Variants in KDM5B observed in about 807,000 individuals in gnomAD.
KDM5B encodes lysine-specific demethylase 5B.
A neutral mutation model predicts 193.4 loss-of-function variants in KDM5B; 144 were observed. That is an observed-to-expected ratio of 0.74 (90% CI 0.65 to 0.86). The LOEUF (loss-of-function observed/expected upper bound fraction) is 0.86. KDM5B is among the 40% of genes least tolerant of loss of function. The pLI is 0.00. For missense variants in KDM5B, 1,833 were observed against 1,886.9 expected (o/e 0.97, Z 0.53); for synonymous variants, 668 against 682.6 (o/e 0.98, Z 0.33).
intron 3 of KDM5B, among the ~76,000 whole-genome samples, chr1:202,774,075 C>T (rs971395455): frequency 2.0e-5 from 3 of 152,030 alleles, no homozygotes; most frequent in African/African-American, 7.2e-5. Context: ...CACCCTGAGC[C>T]TCAGTTTCCT....
At position 202,728,587 on chromosome 1, in the gene KDM5B, G is replaced by A. The variant is rs1572700328; in HGVS notation, c.*449C>T. On this transcript the variant is annotated 3_prime_UTR_variant, in exon 27 of 27. Coordinates refer to ENST00000367265, the MANE Select transcript of KDM5B (RefSeq NM_006618.5). Reference sequence around the variant, plus strand: ...TGAAAAACTTAAAAATTTCCCCAATGTGGTAACAGAGTAAACAAGGGAGAG... The same window carrying A: ...TGAAAAACTTAAAAATTTCCCCAATATGGTAACAGAGTAAACAAGGGAGAG... 1 of 153,680 alleles carries A rather than the reference G, an allele frequency of 6.5e-6. No individual in the cohort carries two copies. Among genetic ancestry groups the A allele is most frequent in the African/African-American group, 2.4e-5 (1 of 41,484 alleles). 9.5% of individuals were successfully genotyped at this position (153,680 alleles called of 1,614,324 possible).
At chr1:202,755,766 T>C (rs1272268463) in intron 10 of KDM5B, among the ~76,000 whole-genome samples, 1 of 152,066 alleles carries the variant, frequency 6.6e-6, no homozygotes, top group Non-Finnish European at 1.5e-5. Context: ...AGGATAGTGA[T>C]TATCCTGAGG....
Position 202,742,667 on chromosome 1 carries a change from T to C in KDM5B, c.2462A>G (p.Lys821Arg). The C allele has an allele frequency of 1.2e-6, 2 of 1,614,054 alleles. No individual in the cohort carries two copies. The highest frequency in any genetic ancestry group is 1.7e-6 in the Non-Finnish European group (2 of 1,179,974). Residue 821 changes from lysine (K) to arginine (R), a missense_variant, in exon 17 of 27, where the codon AAA (lysine) becomes AGA (arginine). By Grantham distance (26) the Lys-to-Arg change is conservative. Coordinates refer to ENST00000367265, the MANE Select transcript of KDM5B (RefSeq NM_006618.5). ...CAGAAGCGCATACCTAGTTTGCCTTTTGCCATTAAGCAACTGCTGCGCAAC... is the reference window on the plus strand; with the variant it reads ...CAGAAGCGCATACCTAGTTTGCCTTCTGCCATTAAGCAACTGCTGCGCAAC... ...ASVAQQLLNG[K>R]RQTRYRSGGG...
chr1:202,751,195 T>TCATTC (rs1655775507), intron 12 of KDM5B, among the ~76,000 whole-genome samples: 1 of 152,086 alleles, frequency 6.6e-6, no homozygotes, highest in Admixed American at 6.6e-5. Flanking sequence ...TTACCTCCCA[T>TCATTC]CATTCCCTTC....
Position 202,741,524 on chromosome 1 carries a change from G to T in KDM5B, c.2788C>A (p.Pro930Thr). The T allele has an allele frequency of 6.2e-7, 1 of 1,614,200 alleles. No individual in the cohort carries two copies. The highest frequency in any genetic ancestry group is 8.5e-7 in the Non-Finnish European group (1 of 1,180,036). The change falls in exon 19 of 27, where the codon CCC becomes ACC. Residue 930 changes from proline to threonine, a missense_variant. Pro to Thr is a conservative substitution (Grantham distance 38). Transcript: ENST00000367265. ...LEEVQQACLD[P>T]SSLTLDDMRR... ...ATATCATCTAAAGTAAGGGAGCTGG[G>T]GTCTAGGCAAGCTTGCTGCACCTCT...
chr1:202,753,815 G>A (rs748910302), intron 11 of KDM5B, among the ~76,000 whole-genome samples: 1 of 151,800 alleles, frequency 6.6e-6, no homozygotes, highest in African/African-American at 2.4e-5. Context: ...TATTACAGGC[G>A]TGCACCACCA....
Position 202,755,405 on chromosome 1 carries a change from C to T in KDM5B, c.1404G>A (p.Glu468=), listed in dbSNP as rs185527629. The part of the protein sequence containing the change: ...GWNLNNMPVM[E]QSVLAHITAD... ...CAGTAATATGTGCAAGGACAGACTGCTCCATCACTGGCATGTTGTTCAAAT... is the reference window on the plus strand; with the variant it reads ...CAGTAATATGTGCAAGGACAGACTGTTCCATCACTGGCATGTTGTTCAAAT... The change falls in exon 11 of 27, where the codon GAG becomes GAA. Residue 468 remains glutamate (E), a synonymous_variant. Transcript: ENST00000367265. The T allele has an allele frequency of 4.2e-5, 67 of 1,613,872 alleles. No individual in the cohort carries two copies. In the African/African-American group the frequency reaches 8.1e-4, roughly 20 times the overall value.
In KDM5B at chr1:202,731,899, T is replaced by C. The variant is rs1222729513; in HGVS notation, c.3950A>G (p.Asp1317Gly). 1 of 1,613,424 alleles carries C rather than the reference T, an allele frequency of 6.2e-7. No individual in the cohort carries two copies. The highest frequency in any genetic ancestry group is 8.5e-7 in the Non-Finnish European group (1 of 1,179,760). Reference sequence around the variant, plus strand: ...ATATGAGGTTCTGTTGTCCCAGTCATCAGGCAAAGAAAATGATGTTGTGCC... The same window carrying C: ...ATATGAGGTTCTGTTGTCCCAGTCACCAGGCAAAGAAAATGATGTTGTGCC... ...PPGTTSFSLPDDWDNRTSYLH... is the reference protein window; with the variant it reads ...PPGTTSFSLPGDWDNRTSYLH... Residue 1317 changes from aspartate (D) to glycine (G), a missense_variant, in exon 24 of 27, where the codon GAT becomes GGT. This residue lies in a region of KDM5B where 1,379 missense variants were observed against 1,349.6 expected (regional missense o/e 1.02). Coordinates refer to ENST00000367265, the MANE Select transcript of KDM5B (RefSeq NM_006618.5).
At chr1:202,780,807 T>A (rs914548550) in intron 1 of KDM5B, among the ~76,000 whole-genome samples, 59 of 129,496 alleles carry the variant, frequency 4.6e-4, no homozygotes, top group African/African-American at 1.2e-3. Flanking sequence ...AAAAAAAAAA[T>A]ACATATATAT....
At position 202,808,240 on chromosome 1, in the gene KDM5B, C is replaced by T; in HGVS notation, c.66G>A (p.Pro22=). ...CGGGTGGAGGCAGGAACTCGCCCAG[C>T]GGGCCCGGGCCCCCGAGGGGCAGCG... is the stretch of plus-strand genomic sequence containing the variant. ...RPALPLGGPG[P]LGEFLPPPEC... Residue 22 remains proline (P), a synonymous_variant, in exon 1 of 27, where the codon CCG becomes CCA. Transcript: ENST00000367265. 1 of 1,611,580 alleles carries T rather than the reference C, an allele frequency of 6.2e-7. No homozygotes were observed. Among genetic ancestry groups the T allele is most frequent in the Non-Finnish European group, 8.5e-7 (1 of 1,179,318 alleles).
chr1:202,770,812 T>C (rs1656681921), intron 4 of KDM5B, among the ~76,000 whole-genome samples: 2 of 152,212 alleles, frequency 1.3e-5, no homozygotes, highest in Admixed American at 1.3e-4. Context: ...TGCCATACTT[T>C]CCTATGTTTT....
At position 202,808,417 on chromosome 1, in the gene KDM5B, T is replaced by A; in HGVS notation, c.-112A>T. ...GGCTCGAGCAACAGCAAGTCCGAGT[T>A]GTACGGGCAACGGCAGCACCTTGGG... On this transcript the variant is annotated 5_prime_UTR_variant, in exon 1 of 27. Transcript: ENST00000367265. 1 of 977,710 alleles carries A rather than the reference T, an allele frequency of 1.0e-6. No individual in the cohort carries two copies. The highest frequency in any genetic ancestry group is 1.5e-6 in the Non-Finnish European group (1 of 679,670). The allele number at this position is 977,710 out of a possible 1,614,324, so 60.6% of individuals were successfully genotyped here.
chr1:202,730,479 T>C (rs1263248153), intron 25 of KDM5B, among the ~76,000 whole-genome samples: 3 of 152,190 alleles, frequency 2.0e-5, no homozygotes, highest in Non-Finnish European at 4.4e-5. Flanking sequence ...ACCTTATAGG[T>C]GTAAGGCGCA....
intron 8 of KDM5B, among the ~76,000 whole-genome samples, chr1:202,759,636 T>A (rs779995246): frequency 1.3e-5 from 2 of 151,656 alleles, no homozygotes; most frequent in Admixed American, 6.6e-5. Context: ...ATTAAAAACA[T>A]CAGTAATCAC....
Position 202,750,877 on chromosome 1 carries a change from G to C in KDM5B, c.1702-99C>G, listed in dbSNP as rs1572724747. On this transcript the variant is annotated intron_variant, in intron 12 of 26. Transcript: ENST00000367265. Reference sequence around the variant, plus strand: ...GTCTATTAGATAATTTTCAAAAAAAGGCAGCTTTCTGAAATTGAGCCAGAA... The same window carrying C: ...GTCTATTAGATAATTTTCAAAAAAACGCAGCTTTCTGAAATTGAGCCAGAA... 6 of 1,281,672 alleles carry C rather than the reference G, an allele frequency of 4.7e-6. No homozygotes were observed. In the East Asian group the frequency reaches 1.4e-4, roughly 30 times the overall value. 79.4% of individuals were successfully genotyped at this position (1,281,672 alleles called of 1,614,324 possible).
chr1:202,746,440 G>A, intron 14 of KDM5B, 117 bp from the exon 15 acceptor site: 2 of 626,232 alleles, frequency 3.2e-6, no homozygotes, highest in Middle Eastern at 4.4e-4. Flanking sequence ...CCAAAATAGG[G>A]ATGCATGATT....
In KDM5B at chr1:202,755,442, T is replaced by C; in HGVS notation, c.1367A>G (p.Asp456Gly). The change falls in exon 11 of 27, where the codon GAT (aspartate) becomes GGT (glycine). Residue 456 changes from aspartate (D) to glycine (G), a missense_variant. Physicochemically the swap from Asp to Gly is moderately conservative, Grantham distance 94. Around this residue, in one of 3 missense-constraint regions of KDM5B, gnomAD observed 1,379 missense variants for 1,349.6 expected, o/e 1.02. Transcript: ENST00000367265. The stretch of plus-strand genomic sequence containing the variant: ...CATGTTGTTCAAATTCCAGCCACTA[T>C]CAAGATACTCCTAAAAATAAGAAGA... ...KLSPEEEEYLDSGWNLNNMPV... is the reference protein window; with the variant it reads ...KLSPEEEEYLGSGWNLNNMPV... The C allele has an allele frequency of 6.2e-7, 1 of 1,612,222 alleles. No individual in the cohort carries two copies. Among genetic ancestry groups the C allele is most frequent in the South Asian group, 1.1e-5 (1 of 90,942 alleles).
At chr1:202,789,472 G>A (rs905040598) in intron 1 of KDM5B, among the ~76,000 whole-genome samples, 18 of 148,846 alleles carry the variant, frequency 1.2e-4, no homozygotes, top group Admixed American at 4.8e-4. Context: ...AAAGTGAGCC[G>A]AGACAAGTGA....
intron 15 of KDM5B, 50 bp downstream of exon 15, chr1:202,746,092 G>A (rs1304722580): frequency 6.4e-7 from 1 of 1,569,518 alleles, no homozygotes; most frequent in Non-Finnish European, 8.7e-7. Flanking sequence ...TGAGCTTTTA[G>A]TAAGGATCAA....
Sources: gnomAD v4.1 joint callset for allele counts (sites outside exome capture counted in the v4.1 genomes callset) on GRCh38, gnomAD v4.1.1 for gene constraint, gnomAD v4.1.1 regional missense constraint, MANE v1.5 for transcripts, NCBI Gene and HGNC (gene_info 2026-07-23, HGNC 2026-07-21) for gene names.